Variants in ABCC4 observed in about 807,000 individuals in gnomAD.
The protein encoded by ABCC4 is ATP-binding cassette sub-family C member 4.
ABCC4 carries 102 observed loss-of-function variants against 168.5 expected under a neutral mutation model. The ratio of observed to expected loss-of-function variants is 0.61; its 90% CI spans 0.52 to 0.71. The LOEUF is 0.71. Ranked by LOEUF, ABCC4 falls within the 30% of genes least tolerant of loss-of-function variation. The pLI is 0.00. For synonymous variants in ABCC4, 617 were observed against 590.7 expected (o/e 1.04, Z -0.65); for missense variants, 1,402 against 1,605.8 (o/e 0.87, Z 2.17).
chr13:95,246,387 C>T (rs2040106207), intron 3 of ABCC4, among the ~76,000 whole-genome samples: 3 of 152,216 alleles, frequency 2.0e-5, no homozygotes, highest in African/African-American at 7.2e-5. Flanking sequence ...CTCTTGGGTG[C>T]TTCAGCCAGC....
Position 95,120,567 on chromosome 13 carries a change from C to CAAAA in ABCC4, c.2456-4570_2456-4567dup, listed in dbSNP as rs35906536. On this transcript the variant is annotated intron_variant, in intron 19 of 30. Transcript: ENST00000645237. ...GCTGGGCGACAGAACGAGACTCCGT[C>CAAAA]AAAAAAAAAAAAAAAAAAAAAGAAT... 1.0e-3 allele frequency among the ~76,000 whole-genome samples: 91 copies of CAAAA among 90,782 alleles called. 1 individual carries two copies. Among genetic ancestry groups the CAAAA allele is most frequent in the African/African-American group, 2.6e-3 (57 of 21,886 alleles). 59.6% of individuals were successfully genotyped at this position (90,782 alleles called of 152,430 possible).
At chr13:95,048,049 G>A (rs2032669932) in intron 27 of ABCC4, among the ~76,000 whole-genome samples, 2 of 152,132 alleles carry the variant, frequency 1.3e-5, no homozygotes, top group South Asian at 2.1e-4. Flanking sequence ...TTTGTGACAT[G>A]TCTATTCTTA....
chr13:95,060,056 G>A (rs1367802815), intron 26 of ABCC4, among the ~76,000 whole-genome samples: 2 of 152,216 alleles, frequency 1.3e-5, no homozygotes, highest in Non-Finnish European at 2.9e-5. Context: ...CAGGCAGTCT[G>A]CTGAATGATT....
Position 95,095,038 on chromosome 13 carries a change from T to C in ABCC4, c.2536-11748A>G, listed in dbSNP as rs1383115999. On this transcript the variant is annotated intron_variant, in intron 20 of 30. Transcript: ENST00000645237. The stretch of plus-strand genomic sequence containing the variant: ...CAGTGATCAGGGAACTCTTCTACAC[T>C]GCTGGTGGGAATGTAAACTAGTACA... 2.0e-5 allele frequency among the ~76,000 whole-genome samples: 3 copies of C among 152,214 alleles called. No individual in the cohort carries two copies. The South Asian group carries it at 6.2e-4, about 32-fold the overall frequency.
intron 26 of ABCC4, 152 bp from the exon 27 acceptor site, chr13:95,053,336 T>C: frequency 1.5e-6 from 1 of 687,256 alleles, no homozygotes; most frequent in Non-Finnish European, 2.5e-6. Flanking sequence ...ACAACATATC[T>C]ATTAATGTTC....
rs951054818 is a variant in ABCC4 at position 95,161,443 on chromosome 13, A to G, written c.2309-108T>C. 2 of 836,144 alleles carry G rather than the reference A, an allele frequency of 2.4e-6. 1 individual carries two copies. Among genetic ancestry groups the G allele is most frequent in the African/African-American group, 3.5e-5 (2 of 57,286 alleles). The allele number at this position is 836,144 out of a possible 1,614,324, so 51.8% of individuals were successfully genotyped here. On this transcript the variant is annotated intron_variant, in intron 18 of 30. Transcript: ENST00000645237. ...ATAAAGATGTTACTTAATTTATTCC[A>G]TAAAGCATCTGGATTCTACATAAGT...
intron 1 of ABCC4, among the ~76,000 whole-genome samples, chr13:95,293,897 G>C (rs534778772): frequency 6.6e-6 from 1 of 151,334 alleles, no homozygotes; most frequent in South Asian, 2.1e-4. Flanking sequence ...TCTCCTGCTC[G>C]GTCTCCCAAG....
chr13:95,042,932 G>C (rs1361380007), intron 29 of ABCC4, among the ~76,000 whole-genome samples: 1 of 152,106 alleles, frequency 6.6e-6, no homozygotes, highest in Admixed American at 6.6e-5. Flanking sequence ...ACCACATCCA[G>C]GTAATCTTTG....
chr13:95,168,564 T>C (rs1334484173), intron 14 of ABCC4, among the ~76,000 whole-genome samples: 1 of 152,228 alleles, frequency 6.6e-6, no homozygotes, highest in East Asian at 1.9e-4. Context: ...ACAGATCTTA[T>C]AAAATATAAT....
At chr13:95,250,427 G>A (rs2040224275) in intron 1 of ABCC4, among the ~76,000 whole-genome samples, 1 of 152,174 alleles carries the variant, frequency 6.6e-6, no homozygotes, top group Non-Finnish European at 1.5e-5. Context: ...GTATGTGATA[G>A]ATACTCAATA....
At chr13:95,205,041 T>C (rs1405924331) in intron 8 of ABCC4, among the ~76,000 whole-genome samples, 1 of 152,190 alleles carries the variant, frequency 6.6e-6, no homozygotes, top group Non-Finnish European at 1.5e-5. Flanking sequence ...CTAAGTTCTT[T>C]CTTTCAAGAT....
At chr13:95,133,024 T>C (rs1377508351) in intron 19 of ABCC4, among the ~76,000 whole-genome samples, 1 of 152,000 alleles carries the variant, frequency 6.6e-6, no homozygotes, top group Admixed American at 6.6e-5. Context: ...GCAAATGTAC[T>C]TAACGTCACC....
intron 4 of ABCC4, among the ~76,000 whole-genome samples, chr13:95,214,884 CAAAAAAAAA>C: frequency 1.1e-5 from 1 of 88,614 alleles, no homozygotes; most frequent in South Asian, 4.1e-4. Context: ...GACTCCAATT[CAAAAAAAAA>C]AAAAAAAAAA....
chr13:95,244,605 GA>G (rs1555336373), intron 3 of ABCC4, among the ~76,000 whole-genome samples: 1 of 33,020 alleles, frequency 3.0e-5, no homozygotes, highest in Admixed American at 2.8e-4. Flanking sequence ...ATGAAAGAAA[GA>G]AAGAAAGAAA....
At chr13:95,151,596 G>A (rs1238026536) in intron 19 of ABCC4, among the ~76,000 whole-genome samples, 1 of 132,628 alleles carries the variant, frequency 7.5e-6, no homozygotes, top group South Asian at 2.4e-4. Flanking sequence ...GGAGAAGAAG[G>A]AGGAGGAGAA....
At chr13:95,088,964 G>GA (rs1724656149) in intron 20 of ABCC4, among the ~76,000 whole-genome samples, 1 of 151,290 alleles carries the variant, frequency 6.6e-6, no homozygotes, top group South Asian at 2.1e-4. Flanking sequence ...GACTAATCAA[G>GA]AAAAAAAGAG....
At chr13:95,256,514 G>A (rs2040396244) in intron 1 of ABCC4, among the ~76,000 whole-genome samples, 1 of 152,208 alleles carries the variant, frequency 6.6e-6, no homozygotes, top group Non-Finnish European at 1.5e-5. Context: ...CCAACACCTT[G>A]GGAGTCTGAG....
intron 1 of ABCC4, among the ~76,000 whole-genome samples, chr13:95,285,335 G>C (rs2138931212): frequency 6.6e-6 from 1 of 152,174 alleles, no homozygotes; most frequent in Non-Finnish European, 1.5e-5. Context: ...AGGATCACTT[G>C]AGGACAGGAG....
rs557410974 is a variant in ABCC4, at chr13:95,240,945, T to C, written c.306+6030A>G. 2.9e-3 allele frequency among the ~76,000 whole-genome samples: 431 copies of C among 151,208 alleles called. 3 individuals carry two copies. The highest frequency in any genetic ancestry group is 4.1e-3 in the Non-Finnish European group (274 of 67,364). On this transcript the variant is annotated intron_variant, in intron 3 of 30. Transcript: ENST00000645237. ...AAGATCACACCACTGCACTCTAACCTGGGTGACAGAGTGAGACTCTGGCTC... is the reference window on the plus strand; with the variant it reads ...AAGATCACACCACTGCACTCTAACCCGGGTGACAGAGTGAGACTCTGGCTC...
Sources: allele counts gnomAD v4.1 joint callset (sites outside exome capture counted in the v4.1 genomes callset), GRCh38; gene constraint gnomAD v4.1.1; transcripts MANE v1.5; gene names NCBI Gene and HGNC (gene_info 2026-07-23, HGNC 2026-07-21).